The following KANK1 variants were observed in gnomAD, a reference collection of about 807,000 sequenced individuals.
The protein encoded by KANK1 is KN motif and ankyrin repeat domain-containing protein 1.
KANK1 carries 109 observed loss-of-function variants against 106.2 expected under a neutral mutation model. The ratio of observed to expected loss-of-function variants is 1.03; its 90% CI spans 0.88 to 1.20. The LOEUF (loss-of-function observed/expected upper bound fraction) is 1.20. Among genes scored for constraint, KANK1 ranks in the 50% most tolerant of loss-of-function variants. The pLI is 0.00. For synonymous variants in KANK1, 873 were observed against 652.2 expected (o/e 1.34, Z -5.16); for missense variants, 2,399 against 1,710.7 (o/e 1.40, Z -7.10).
intron 1 of KANK1, among the ~76,000 whole-genome samples, chr9:557,099 C>T (rs1175523278): frequency 1.3e-5 from 2 of 150,814 alleles, no homozygotes; most frequent in African/African-American, 4.9e-5. Flanking sequence ...AGGAGGATCA[C>T]ATGAGCCTGA....
chr9:630,181 G>A (rs929714033), intron 1 of KANK1, among the ~76,000 whole-genome samples: 16 of 152,060 alleles, frequency 1.1e-4, no homozygotes, highest in African/African-American at 3.6e-4. Flanking sequence ...CTGGGAGTTC[G>A]AGGCTGCAGT....
At chr9:523,015 C>G (rs1280679880) in intron 1 of KANK1, among the ~76,000 whole-genome samples, 2 of 151,686 alleles carry the variant, frequency 1.3e-5, no homozygotes, top group Non-Finnish European at 2.9e-5. Context: ...AGTTCTTGAT[C>G]TCTTTTCTGT....
intron 2 of KANK1, chr9:686,772 C>T (rs148494163): frequency 1.0e-6 from 1 of 985,304 alleles, no homozygotes; most frequent in African/African-American, 1.7e-5. Flanking sequence ...CTGAGTGGGC[C>T]CAAGCATCAC....
chr9:730,860 G>A (rs868710555), intron 4 of KANK1: 8 of 221,250 alleles, frequency 3.6e-5, no homozygotes, highest in East Asian at 2.3e-4. Context: ...CTTGAGGCTC[G>A]TGAGACACGA....
At chr9:578,351 G>A (rs1187800415) in intron 1 of KANK1, among the ~76,000 whole-genome samples, 1 of 145,822 alleles carries the variant, frequency 6.9e-6, no homozygotes, top group East Asian at 2.0e-4. Context: ...GTGTGTGTGT[G>A]TTTGCCTTTG....
intron 1 of KANK1, among the ~76,000 whole-genome samples, chr9:611,113 G>C (rs1183008590): frequency 6.6e-6 from 1 of 152,100 alleles, no homozygotes; most frequent in Admixed American, 6.5e-5. Context: ...CCATCCCCAA[G>C]ACCTGAAGGG....
In KANK1 at chr9:641,817, T is replaced by G. The variant is rs573582525; in HGVS notation, c.-83-35073T>G. On this transcript the variant is annotated intron_variant, in intron 1 of 11. Transcript: ENST00000382297. ...CATTTTGGTTTTTTAAGGACTACTT[T>G]ATTAAGGTATAATTCACAAACCATG... is the stretch of plus-strand genomic sequence containing the variant. Among the ~76,000 whole-genome samples, 3 of 152,352 alleles carry G rather than the reference T, an allele frequency of 2.0e-5. No homozygotes were observed. The South Asian group carries it at 6.2e-4, about 32-fold the overall frequency.
chr9:497,232 G>C (rs2058470311), intron 3 of KANK1, among the ~76,000 whole-genome samples: 2 of 152,248 alleles, frequency 1.3e-5, no homozygotes, highest in Middle Eastern at 3.4e-3. Context: ...AAAAGGAAAA[G>C]AAGACTCCTT....
At chr9:501,293 C>G (rs1343971372), upstream of KANK1, among the ~76,000 whole-genome samples, 1 of 152,174 alleles carries the variant, frequency 6.6e-6, no homozygotes, top group Non-Finnish European at 1.5e-5. Context: ...AGACAACGCA[C>G]TGACTGGTTA....
intron 1 of KANK1, among the ~76,000 whole-genome samples, chr9:505,170 C>G (rs1201445333): frequency 6.6e-6 from 1 of 152,162 alleles, no homozygotes; most frequent in African/African-American, 2.4e-5. Context: ...GGGCCCTTCC[C>G]TAGCCCGGGG....
intron 1 of KANK1, among the ~76,000 whole-genome samples, chr9:655,168 G>A (rs1349586340): frequency 2.0e-5 from 3 of 152,028 alleles, no homozygotes; most frequent in Non-Finnish European, 2.9e-5. Flanking sequence ...TCAGGAGCTC[G>A]GGACCAGCCT....
At chr9:648,831 A>G (rs1487426345) in intron 1 of KANK1, among the ~76,000 whole-genome samples, 2 of 152,228 alleles carry the variant, frequency 1.3e-5, no homozygotes, top group African/African-American at 2.4e-5. Context: ...TTGGTTTAAA[A>G]TAGAAGCTGG....
chr9:684,486 A>C, intron 2 of KANK1: 1 of 985,412 alleles, frequency 1.0e-6, no homozygotes, highest in South Asian at 4.7e-5. Context: ...ATTCTAAGAG[A>C]CTGGGTAGCC....
At chr9:542,960 G>T (rs1187577123) in intron 1 of KANK1, among the ~76,000 whole-genome samples, 2 of 152,112 alleles carry the variant, frequency 1.3e-5, no homozygotes, top group Non-Finnish European at 2.9e-5. Context: ...ATGTTCTGGA[G>T]ATCTATTGTA....
At chr9:588,222 T>G (rs1434095625) in intron 1 of KANK1, among the ~76,000 whole-genome samples, 1 of 152,222 alleles carries the variant, frequency 6.6e-6, no homozygotes, top group East Asian at 1.9e-4. Flanking sequence ...GCTTATTTCT[T>G]TTTTCTACAG....
intron 1 of KANK1, among the ~76,000 whole-genome samples, chr9:575,974 G>C (rs929258449): frequency 1.3e-5 from 2 of 152,242 alleles, no homozygotes; most frequent in Non-Finnish European, 2.9e-5. Context: ...AGTGAGCTGA[G>C]ATTGTGCCAC....
At chr9:505,827 C>T (rs1026744630) in intron 1 of KANK1, among the ~76,000 whole-genome samples, 4 of 152,212 alleles carry the variant, frequency 2.6e-5, no homozygotes, top group Non-Finnish European at 2.9e-5. Context: ...AGTTCCTTTC[C>T]TCACCGTCAT....
At chr9:583,380 G>C (rs906768780) in intron 1 of KANK1, among the ~76,000 whole-genome samples, 1 of 152,086 alleles carries the variant, frequency 6.6e-6, no homozygotes, top group African/African-American at 2.4e-5. Flanking sequence ...CAGCAATTTT[G>C]CTTTTGTTTT....
chr9:520,122 G>A (rs1402483711), intron 1 of KANK1, among the ~76,000 whole-genome samples: 1 of 151,670 alleles, frequency 6.6e-6, no homozygotes, highest in African/African-American at 2.4e-5. Flanking sequence ...TAGATCGCTT[G>A]AGCCCAGGAA....
Sources: gnomAD v4.1 joint callset for allele counts (sites outside exome capture counted in the v4.1 genomes callset) on GRCh38, gnomAD v4.1.1 for gene constraint, MANE v1.5 for transcripts, NCBI Gene and HGNC (gene_info 2026-07-23, HGNC 2026-07-21) for gene names.